The following GRM3 variants were observed in gnomAD, a reference collection of about 807,000 sequenced individuals.
The protein encoded by GRM3 is glutamate metabotropic receptor 3.
Under a neutral mutation model 70.5 loss-of-function variants are expected in GRM3, and 26 were observed. That is an observed-to-expected ratio of 0.37 (90% confidence interval 0.27 to 0.51). The LOEUF is 0.51. Among genes scored for constraint, GRM3 ranks in the 20% least tolerant of loss-of-function variants. The probability of loss-of-function intolerance (pLI) is 0.93; values close to 1 mark genes in which losing one functional copy is unlikely to be tolerated. For synonymous variants in GRM3, 443 were observed against 434.9 expected (o/e 1.02, Z -0.23); for missense variants, 859 against 1,123.8 (o/e 0.76, Z 3.37).
intron 3 of GRM3, among the ~76,000 whole-genome samples, chr7:86,829,889 G>C (rs1463524275): frequency 6.6e-6 from 1 of 152,034 alleles, no homozygotes; most frequent in African/African-American, 2.4e-5. Flanking sequence ...TTCGATGCAG[G>C]GTTGCTACAA....
At position 86,767,532 on chromosome 7, in the gene GRM3, T is replaced by C. The variant is rs1210901133; in HGVS notation, c.468+1919T>C. Among the ~76,000 whole-genome samples the C allele has an allele frequency of 1.8e-4, 13 of 70,854 alleles. 1 individual carries two copies. The highest frequency in any genetic ancestry group is 1.1e-4 in the Non-Finnish European group (4 of 35,618). 46.5% of individuals were successfully genotyped at this position (70,854 alleles called of 152,430 possible). On this transcript the variant is annotated intron_variant, in intron 2 of 5. Coordinates refer to ENST00000361669, the MANE Select transcript of GRM3 (RefSeq NM_000840.3). ...CATACTTCATATATATATATATATA[T>C]ATATATATATATATATATATATATA...
intron 2 of GRM3, among the ~76,000 whole-genome samples, chr7:86,768,912 A>G (rs150242202): frequency 1.2e-4 from 19 of 152,246 alleles, no homozygotes; most frequent in African/African-American, 4.1e-4. Flanking sequence ...TAGGCATCAC[A>G]AATAATAAGA....
intron 1 of GRM3, among the ~76,000 whole-genome samples, chr7:86,666,351 CTT>C (rs1255246452): frequency 1.3e-5 from 2 of 152,006 alleles, no homozygotes; most frequent in East Asian, 3.9e-4. Context: ...CAGCCAAAAA[CTT>C]GACTTCATCT....
intron 2 of GRM3, among the ~76,000 whole-genome samples, chr7:86,770,213 A>T (rs1195620226): frequency 6.6e-6 from 1 of 152,166 alleles, no homozygotes; most frequent in Admixed American, 6.6e-5. Context: ...TAGCAGATAT[A>T]AGTTGACCCA....
intron 5 of GRM3, among the ~76,000 whole-genome samples, chr7:86,857,663 T>C (rs1270539456): frequency 1.3e-5 from 2 of 152,220 alleles, no homozygotes; most frequent in Non-Finnish European, 2.9e-5. Flanking sequence ...CTTTTGGTTT[T>C]AGACTTTTGT....
At chr7:86,750,269 T>C (rs1253049012) in intron 1 of GRM3, among the ~76,000 whole-genome samples, 2 of 152,134 alleles carry the variant, frequency 1.3e-5, no homozygotes, top group East Asian at 1.9e-4. Context: ...CTACGCTAAC[T>C]AATTTACACA....
At chr7:86,726,540 T>C (rs952038403) in intron 1 of GRM3, among the ~76,000 whole-genome samples, 1 of 152,196 alleles carries the variant, frequency 6.6e-6, no homozygotes, top group African/African-American at 2.4e-5. Context: ...CCTCTCCAAA[T>C]TCTTTTCTGA....
At chr7:86,854,199 G>T (rs1374769038) in intron 5 of GRM3, among the ~76,000 whole-genome samples, 1 of 152,096 alleles carries the variant, frequency 6.6e-6, no homozygotes, top group East Asian at 1.9e-4. Flanking sequence ...ATAATACCAA[G>T]AAGTCACCCC....
At chr7:86,807,444 T>C (rs540570072) in intron 3 of GRM3, among the ~76,000 whole-genome samples, 303 of 150,288 alleles carry the variant, frequency 2.0e-3, no homozygotes, top group African/African-American at 7.1e-3. Flanking sequence ...GTAGTTCTCG[T>C]TGAAGAGGTC....
At chr7:86,857,086 T>TA (rs1454568240) in intron 5 of GRM3, among the ~76,000 whole-genome samples, 2 of 152,046 alleles carry the variant, frequency 1.3e-5, no homozygotes, top group Non-Finnish European at 2.9e-5. Flanking sequence ...ATTCAGCTCA[T>TA]AGACTATTCT....
chr7:86,784,052 GT>G (rs1172882268), intron 2 of GRM3, among the ~76,000 whole-genome samples: 1 of 152,122 alleles, frequency 6.6e-6, no homozygotes, highest in Non-Finnish European at 1.5e-5. Context: ...CTTCCCCAAA[GT>G]TACAGCTCAT....
intron 1 of GRM3, among the ~76,000 whole-genome samples, chr7:86,715,674 G>T (rs1462525136): frequency 6.6e-6 from 1 of 151,928 alleles, no homozygotes; most frequent in African/African-American, 2.4e-5. Context: ...GGACTCTAAA[G>T]ATACAAACAC....
intron 2 of GRM3, among the ~76,000 whole-genome samples, chr7:86,776,356 G>C (rs978334463): frequency 1.4e-4 from 21 of 152,244 alleles, no homozygotes; most frequent in African/African-American, 3.8e-4. Flanking sequence ...CCTGTGCACT[G>C]TTTGCTTCTT....
chr7:86,691,340 C>A (rs1486939526), intron 1 of GRM3, among the ~76,000 whole-genome samples: 3 of 152,068 alleles, frequency 2.0e-5, no homozygotes, highest in African/African-American at 7.2e-5. Flanking sequence ...CATTAAGCAG[C>A]CAAAGTGGGC....
At chr7:86,849,092 C>T (rs1418991912) in intron 4 of GRM3, among the ~76,000 whole-genome samples, 1 of 152,102 alleles carries the variant, frequency 6.6e-6, no homozygotes, top group Non-Finnish European at 1.5e-5. Flanking sequence ...GATTTGTCTC[C>T]CCCTCCCATG....
At chr7:86,667,815 C>T (rs2115881444) in intron 1 of GRM3, among the ~76,000 whole-genome samples, 1 of 152,280 alleles carries the variant, frequency 6.6e-6, no homozygotes. Flanking sequence ...GCACAAAATC[C>T]TGTAATACCA....
chr7:86,726,433 A>G (rs1328716196), intron 1 of GRM3, among the ~76,000 whole-genome samples: 1 of 152,172 alleles, frequency 6.6e-6, no homozygotes, highest in East Asian at 1.9e-4. Flanking sequence ...CCTCATTTCT[A>G]GATTGAAATT....
At chr7:86,778,279 G>A (rs1358234408) in intron 2 of GRM3, among the ~76,000 whole-genome samples, 5 of 152,130 alleles carry the variant, frequency 3.3e-5, no homozygotes, top group Non-Finnish European at 5.9e-5. Flanking sequence ...GCTAAGTATA[G>A]ATCCTCATAA....
intron 1 of GRM3, among the ~76,000 whole-genome samples, chr7:86,708,921 C>T (rs907060918): frequency 3.5e-5 from 5 of 142,976 alleles, no homozygotes; most frequent in Non-Finnish European, 6.0e-5. Context: ...CTAAGTAGCT[C>T]GAATCTCTGT....
Sources: allele counts gnomAD v4.1 joint callset (sites outside exome capture counted in the v4.1 genomes callset), GRCh38; gene constraint gnomAD v4.1.1; transcripts MANE v1.5; gene names NCBI Gene and HGNC (gene_info 2026-07-23, HGNC 2026-07-21).